The following CALCRL variants were observed in gnomAD, a reference collection of about 807,000 sequenced individuals.
The protein encoded by CALCRL is calcitonin gene-related peptide type 1 receptor.
CALCRL carries 27 observed loss-of-function variants against 60.4 expected under a neutral mutation model. The ratio of observed to expected loss-of-function variants is 0.45; its 90% CI spans 0.33 to 0.62. The LOEUF (loss-of-function observed/expected upper bound fraction) is 0.62. CALCRL is among the 20% of genes least tolerant of loss of function. CALCRL has a pLI of 0.03. For missense variants in CALCRL, 424 were observed against 540.7 expected (o/e 0.78, Z 2.14); for synonymous variants, 190 against 182.6 (o/e 1.04, Z -0.33).
At position 187,437,211 on chromosome 2, in the gene CALCRL, A is replaced by C. The variant is rs540495587; in HGVS notation, c.-293+10828T>G. On this transcript the variant is annotated intron_variant, in intron 1 of 14. Transcript: ENST00000392370. ...CAAAGTTTAGGATGTGCAACATTTTAAAATGTTAAATTCAATTTTAAAAAC... is the reference window on the plus strand; with the variant it reads ...CAAAGTTTAGGATGTGCAACATTTTCAAATGTTAAATTCAATTTTAAAAAC... Among the ~76,000 whole-genome samples the C allele has an allele frequency of 2.6e-5, 4 of 152,312 alleles. No homozygotes were observed. In the East Asian group the frequency reaches 7.7e-4, roughly 29 times the overall value.
At chr2:187,390,871 T>G (rs1688410547) in intron 1 of CALCRL, among the ~76,000 whole-genome samples, 1 of 152,174 alleles carries the variant, frequency 6.6e-6, no homozygotes. Context: ...AATGGGCACC[T>G]GTACACTCCA....
chr2:187,437,394 T>G (rs1325746730), intron 1 of CALCRL, among the ~76,000 whole-genome samples: 1 of 152,046 alleles, frequency 6.6e-6, no homozygotes, highest in Non-Finnish European at 1.5e-5. Context: ...TACAAAAAAT[T>G]AGCCGGGCGT....
intron 1 of CALCRL, 132 bp downstream of exon 1, chr2:187,447,907 G>C (rs780940409): frequency 1.1e-4 from 17 of 151,918 alleles, no homozygotes; most frequent in Non-Finnish European, 2.4e-4. Context: ...ATTTTCTCTA[G>C]CATGTGAAAT....
In CALCRL at chr2:187,442,093, TATATATATATATACATAC is replaced by T. The variant is rs1330635561; in HGVS notation, c.-293+5928_-293+5945del. The T allele has an allele frequency of 3.6e-3, 395 of 108,608 alleles. 2 individuals are homozygous for T. Among genetic ancestry groups the T allele is most frequent in the African/African-American group, 0.015 (371 of 24,646 alleles). The allele number at this position is 108,608 out of a possible 1,614,324, so 6.7% of individuals were successfully genotyped here. ...CATTATATATATATATATATATATA[TATATATATATATACATAC>T]ACACACATATACATATACATACATA... On this transcript the variant is annotated intron_variant, in intron 1 of 14. Transcript: ENST00000392370.
chr2:187,420,267 T>C (rs574105827), intron 1 of CALCRL, among the ~76,000 whole-genome samples: 17 of 152,272 alleles, frequency 1.1e-4, no homozygotes, highest in African/African-American at 3.8e-4. Context: ...AATAATCATT[T>C]AATGAACTAG....
At chr2:187,369,471 T>A (rs1222951455) in intron 8 of CALCRL, among the ~76,000 whole-genome samples, 1 of 152,168 alleles carries the variant, frequency 6.6e-6, no homozygotes, top group Non-Finnish European at 1.5e-5. Flanking sequence ...TATTGTCTTT[T>A]AATAAAATGG....
At chr2:187,409,091 T>G (rs1188299768) in intron 1 of CALCRL, among the ~76,000 whole-genome samples, 1 of 152,212 alleles carries the variant, frequency 6.6e-6, no homozygotes, top group Non-Finnish European at 1.5e-5. Flanking sequence ...GTGAGCTTTT[T>G]GTAAAGAAAT....
At chr2:187,419,523 G>A (rs1412476476) in intron 1 of CALCRL, among the ~76,000 whole-genome samples, 13 of 152,112 alleles carry the variant, frequency 8.5e-5, no homozygotes, top group Non-Finnish European at 1.0e-4. Context: ...CTTTCATTAT[G>A]GCAGCCCTTG....
intron 1 of CALCRL, among the ~76,000 whole-genome samples, chr2:187,433,812 A>G (rs1690505025): frequency 6.6e-6 from 1 of 152,128 alleles, no homozygotes; most frequent in African/African-American, 2.4e-5. Context: ...CCTTGAAGAA[A>G]TATACTGGTT....
chr2:187,444,931 T>C (rs912427501), intron 1 of CALCRL, among the ~76,000 whole-genome samples: 11 of 151,564 alleles, frequency 7.3e-5, no homozygotes, highest in Non-Finnish European at 5.9e-5. Flanking sequence ...GTATTTCTGG[T>C]AAGTTTTTAT....
chr2:187,413,427 C>G (rs1243921378), intron 1 of CALCRL, among the ~76,000 whole-genome samples: 1 of 152,080 alleles, frequency 6.6e-6, no homozygotes, highest in East Asian at 1.9e-4. Flanking sequence ...GTTGCTCTAT[C>G]TATAACTGTT....
chr2:187,355,598 G>A (rs1686738939), intron 12 of CALCRL, among the ~76,000 whole-genome samples: 1 of 152,026 alleles, frequency 6.6e-6, no homozygotes, highest in Non-Finnish European at 1.5e-5. Context: ...GACGAATGAG[G>A]AAGCTTTGAA....
At chr2:187,397,715 C>T (rs1054376637) in intron 1 of CALCRL, among the ~76,000 whole-genome samples, 2 of 151,522 alleles carry the variant, frequency 1.3e-5, no homozygotes, top group African/African-American at 4.8e-5. Context: ...CCCTTCTAAA[C>T]CACCAAAGTT....
At chr2:187,412,510 C>G (rs2105851223) in intron 1 of CALCRL, among the ~76,000 whole-genome samples, 1 of 152,260 alleles carries the variant, frequency 6.6e-6, no homozygotes, top group Admixed American at 6.5e-5. Flanking sequence ...ATTTCTGTCT[C>G]CCTCTAATTC....
intron 1 of CALCRL, among the ~76,000 whole-genome samples, chr2:187,441,771 T>C (rs1054622337): frequency 1.3e-5 from 2 of 152,058 alleles, no homozygotes; most frequent in Admixed American, 6.6e-5. Context: ...CAGGAAAATA[T>C]GCTACTCTTG....
intron 1 of CALCRL, among the ~76,000 whole-genome samples, chr2:187,398,969 G>A (rs1374752620): frequency 5.3e-5 from 8 of 151,542 alleles, no homozygotes; most frequent in Admixed American, 2.6e-4. Flanking sequence ...ATTAAATTAC[G>A]TTTTATGCCT....
intron 12 of CALCRL, among the ~76,000 whole-genome samples, chr2:187,356,906 T>G (rs1686818525): frequency 6.6e-6 from 1 of 152,128 alleles, no homozygotes; most frequent in Admixed American, 6.5e-5. Context: ...GAAAAAAAGC[T>G]AATCATGACT....
At chr2:187,369,043 GGTGA>G (rs1687414988) in intron 8 of CALCRL, among the ~76,000 whole-genome samples, 1 of 152,134 alleles carries the variant, frequency 6.6e-6, no homozygotes, top group African/African-American at 2.4e-5. Context: ...TTAGAAAGAG[GGTGA>G]GTATTTCAAC....
intron 12 of CALCRL, among the ~76,000 whole-genome samples, chr2:187,358,193 A>C (rs1356616587): frequency 6.6e-6 from 1 of 151,956 alleles, no homozygotes; most frequent in African/African-American, 2.4e-5. Flanking sequence ...TCTATAAAAA[A>C]AAATTTTTAA....
Sources: allele counts gnomAD v4.1 joint callset (sites outside exome capture counted in the v4.1 genomes callset), GRCh38; gene constraint gnomAD v4.1.1; transcripts MANE v1.5; gene names NCBI Gene and HGNC (gene_info 2026-07-23, HGNC 2026-07-21).